CNTNAP2: variants seen among roughly 807,000 people sequenced by gnomAD.
The protein encoded by CNTNAP2 is contactin-associated protein-like 2.
CNTNAP2 carries 98 observed loss-of-function variants against 155.2 expected under a neutral mutation model. The observed-to-expected ratio is 0.63, with a 90% CI of 0.54 to 0.75. CNTNAP2 has a LOEUF of 0.75. Among genes scored for constraint, CNTNAP2 ranks in the 30% least tolerant of loss-of-function variants. CNTNAP2 has a pLI of 0.00. For missense variants in CNTNAP2, 1,727 were observed against 1,688.1 expected, an observed-to-expected ratio of 1.02 and a Z score of -0.40; for synonymous variants, 651 against 631.2, an observed-to-expected ratio of 1.03 and a Z score of -0.47.
At chr7:148,392,982 A>T (rs1017074) in intron 22 of CNTNAP2, among the ~76,000 whole-genome samples, 38,362 of 151,914 alleles carry the variant, frequency 0.25, 5,532 homozygotes, top group Non-Finnish European at 0.33. Context: ...GTTTCTGAAG[A>T]CCTCTTACCT....
chr7:147,836,640 T>C lies in CNTNAP2; in HGVS notation c.2099-66925T>C, dbSNP rs997283306. Among the ~76,000 whole-genome samples, 4 of 152,236 alleles carry C rather than the reference T, an allele frequency of 2.6e-5. No homozygotes were observed. In the East Asian group the frequency reaches 7.7e-4, roughly 29 times the overall value. Reference sequence around the variant, plus strand: ...TAATTTTTCATTTATATTTCTGGATTGTCTGTCTTTCCTGCTGGACTGTCA... The same window carrying C: ...TAATTTTTCATTTATATTTCTGGATCGTCTGTCTTTCCTGCTGGACTGTCA... On this transcript the variant is annotated intron_variant, in intron 13 of 23. Coordinates refer to ENST00000361727, the MANE Select transcript of CNTNAP2 (RefSeq NM_014141.6).
intron 1 of CNTNAP2, among the ~76,000 whole-genome samples, chr7:146,121,632 G>A (rs944234931): frequency 1.3e-5 from 2 of 151,986 alleles, no homozygotes; most frequent in East Asian, 1.9e-4. Flanking sequence ...ATAAAACAGC[G>A]TATATAGTAA....
intron 13 of CNTNAP2, among the ~76,000 whole-genome samples, chr7:147,901,571 A>G (rs1228889651): frequency 6.6e-6 from 1 of 152,156 alleles, no homozygotes; most frequent in Non-Finnish European, 1.5e-5. Flanking sequence ...TCCAAATAGA[A>G]GTTTACCTTT....
chr7:146,561,856 C>A (rs1798284311), intron 1 of CNTNAP2, among the ~76,000 whole-genome samples: 1 of 152,106 alleles, frequency 6.6e-6, no homozygotes, highest in African/African-American at 2.4e-5. Context: ...GTGATGCAAT[C>A]ATGGCTCACT....
At chr7:146,180,875 T>G (rs1267891870) in intron 1 of CNTNAP2, among the ~76,000 whole-genome samples, 1 of 152,184 alleles carries the variant, frequency 6.6e-6, no homozygotes. Context: ...CAAAACCAGT[T>G]CATCTGAAGT....
intron 8 of CNTNAP2, among the ~76,000 whole-genome samples, chr7:147,150,786 C>T (rs1025474435): frequency 2.6e-5 from 4 of 151,902 alleles, no homozygotes; most frequent in Admixed American, 6.6e-5. Context: ...CAGAACAAGA[C>T]GACAACAGAG....
At chr7:148,203,231 G>A (rs1467685735) in intron 18 of CNTNAP2, among the ~76,000 whole-genome samples, 1 of 152,100 alleles carries the variant, frequency 6.6e-6, no homozygotes, top group Non-Finnish European at 1.5e-5. Context: ...GGCCAAATTG[G>A]TCTGTGATAC....
At chr7:147,544,753 G>A (rs1392395412) in intron 11 of CNTNAP2, among the ~76,000 whole-genome samples, 1 of 151,982 alleles carries the variant, frequency 6.6e-6, no homozygotes, top group African/African-American at 2.4e-5. Flanking sequence ...AATCATGGGG[G>A]CAGTTCCCCC....
chr7:146,821,757 C>G (rs1049590376), intron 2 of CNTNAP2, among the ~76,000 whole-genome samples: 4 of 151,954 alleles, frequency 2.6e-5, no homozygotes, highest in East Asian at 1.9e-4. Context: ...AAATGCAAAT[C>G]AAAACCACAA....
intron 12 of CNTNAP2, among the ~76,000 whole-genome samples, chr7:147,612,393 TTTTC>T (rs1251583327): frequency 6.6e-6 from 1 of 150,792 alleles, no homozygotes; most frequent in Non-Finnish European, 1.5e-5. Flanking sequence ...GCTTATGTAA[TTTTC>T]TTTCTTTTTT....
chr7:146,335,706 T>C (rs1254163877), intron 1 of CNTNAP2, among the ~76,000 whole-genome samples: 1 of 152,206 alleles, frequency 6.6e-6, no homozygotes, highest in Non-Finnish European at 1.5e-5. Flanking sequence ...GTAGCTTCTT[T>C]GTGTCATTTT....
intron 17 of CNTNAP2, among the ~76,000 whole-genome samples, chr7:148,156,124 G>C (rs1220244808): frequency 1.3e-5 from 2 of 152,236 alleles, no homozygotes; most frequent in Non-Finnish European, 2.9e-5. Flanking sequence ...GGCCTGCAGA[G>C]GGCCACTGTC....
At chr7:146,246,595 G>A (rs1291491251) in intron 1 of CNTNAP2, among the ~76,000 whole-genome samples, 3 of 151,404 alleles carry the variant, frequency 2.0e-5, no homozygotes, top group Admixed American at 6.6e-5. Context: ...CCCGAAGCTC[G>A]GCGTCCCTGA....
At chr7:146,174,437 T>C (rs1423233652) in intron 1 of CNTNAP2, among the ~76,000 whole-genome samples, 1 of 151,916 alleles carries the variant, frequency 6.6e-6, no homozygotes, top group East Asian at 2.0e-4. Flanking sequence ...GCCAGAGTGG[T>C]CTTGAACTCC....
intron 9 of CNTNAP2, among the ~76,000 whole-genome samples, chr7:147,349,557 C>T (rs1795934504): frequency 6.6e-6 from 1 of 151,764 alleles, no homozygotes; most frequent in African/African-American, 2.4e-5. Context: ...AAATATATAA[C>T]ATTCCAAATT....
intron 1 of CNTNAP2, among the ~76,000 whole-genome samples, chr7:146,736,423 G>C (rs1012282458): frequency 6.6e-6 from 1 of 152,284 alleles, no homozygotes; most frequent in Middle Eastern, 3.4e-3. Flanking sequence ...AGGATTTGAG[G>C]ATTGATTATT....
intron 2 of CNTNAP2, among the ~76,000 whole-genome samples, chr7:146,812,445 A>ATATATATATATATATATATATAAAATAT (rs1386547927): frequency 6.2e-5 from 9 of 144,564 alleles, no homozygotes; most frequent in African/African-American, 2.1e-4. Context: ...ATATATAAAA[A>ATATATATATATATATATATATAAAATAT]ATATATATAT....
intron 1 of CNTNAP2, among the ~76,000 whole-genome samples, chr7:146,244,234 A>T (rs1056465268): frequency 5.9e-5 from 9 of 152,226 alleles, no homozygotes; most frequent in East Asian, 3.8e-4. Flanking sequence ...TTCAAGAGTT[A>T]AGAGTGGCAG....
chr7:147,941,366 C>G (rs1563142345), intron 14 of CNTNAP2, among the ~76,000 whole-genome samples: 1 of 152,270 alleles, frequency 6.6e-6, no homozygotes, highest in East Asian at 1.9e-4. Flanking sequence ...ATTATAGAAT[C>G]TGCCTCATAC....
Sources: gnomAD v4.1 joint callset for allele counts (sites outside exome capture counted in the v4.1 genomes callset) on GRCh38, gnomAD v4.1.1 for gene constraint, MANE v1.5 for transcripts, NCBI Gene and HGNC (gene_info 2026-07-23, HGNC 2026-07-21) for gene names.